The following AKAP6 variants were observed in gnomAD, a reference collection of about 807,000 sequenced individuals.
The protein encoded by AKAP6 is A-kinase anchor protein 6.
A neutral mutation model predicts 188.5 loss-of-function variants in AKAP6; 58 were observed. The observed-to-expected ratio is 0.31, with a 90% CI of 0.25 to 0.38. The LOEUF (loss-of-function observed/expected upper bound fraction) is 0.38, where lower values mean the gene tolerates loss of function less well. AKAP6 is among the 10% of genes least tolerant of loss of function. The probability of loss-of-function intolerance (pLI) is 1.00; values close to 1 mark genes in which losing one functional copy is unlikely to be tolerated. For synonymous variants in AKAP6, 989 were observed against 998.6 expected, an observed-to-expected ratio of 0.99 and a Z score of 0.18; for missense variants, 2,710 against 2,740.0, an observed-to-expected ratio of 0.99 and a Z score of 0.24.
intron 7 of AKAP6, among the ~76,000 whole-genome samples, chr14:32,610,546 T>C (rs1886310155): frequency 6.6e-6 from 1 of 150,840 alleles, no homozygotes; most frequent in Non-Finnish European, 1.5e-5. Context: ...CAAATGTAGT[T>C]CTAAATTAAG....
intron 11 of AKAP6, among the ~76,000 whole-genome samples, chr14:32,764,933 CTTTT>C (rs571680392): frequency 4.0e-5 from 5 of 124,670 alleles, no homozygotes; most frequent in Admixed American, 8.1e-5. Flanking sequence ...TCAAGTGAAT[CTTTT>C]TTTTTTTTTT....
chr14:32,540,339 C>T (rs1427094461), intron 3 of AKAP6, among the ~76,000 whole-genome samples: 2 of 151,584 alleles, frequency 1.3e-5, no homozygotes, highest in Non-Finnish European at 2.9e-5. Context: ...GCTGGGATTA[C>T]AGGCACATGC....
At chr14:32,688,791 T>C (rs1254459444) in intron 8 of AKAP6, among the ~76,000 whole-genome samples, 2 of 147,890 alleles carry the variant, frequency 1.4e-5, no homozygotes, top group Non-Finnish European at 2.9e-5. Context: ...AACTAAAATC[T>C]TGTAGTCCAA....
At chr14:32,492,383 G>GAGAGAGAGAGAGAGAGAGAGAGA (rs1566537012) in intron 2 of AKAP6, among the ~76,000 whole-genome samples, 6 of 141,466 alleles carry the variant, frequency 4.2e-5, no homozygotes, top group African/African-American at 1.3e-4. Context: ...GAGAGAGAGA[G>GAGAGAGAGAGAGAGAGAGAGAGA]GCATTTGGAT....
chr14:32,666,999 T>C (rs953416919), intron 7 of AKAP6, among the ~76,000 whole-genome samples: 2 of 152,126 alleles, frequency 1.3e-5, no homozygotes, highest in South Asian at 2.1e-4. Flanking sequence ...AGTCTTTTTA[T>C]TGTGATGTCT....
chr14:32,661,252 TA>T (rs1888687631), intron 7 of AKAP6, among the ~76,000 whole-genome samples: 1 of 152,000 alleles, frequency 6.6e-6, no homozygotes, highest in Non-Finnish European at 1.5e-5. Flanking sequence ...TACATATCAG[TA>T]AATCGTGATA....
At chr14:32,431,523 T>G (rs116448860) in intron 1 of AKAP6, among the ~76,000 whole-genome samples, 2,114 of 152,332 alleles carry the variant, frequency 0.014, 43 homozygotes, top group African/African-American at 0.048. Context: ...TTTTTATTTT[T>G]TGAGACGTAG....
intron 2 of AKAP6, among the ~76,000 whole-genome samples, chr14:32,441,783 T>C (rs1890584944): frequency 6.6e-6 from 1 of 152,216 alleles, no homozygotes; most frequent in African/African-American, 2.4e-5. Context: ...TAATTTTTCA[T>C]TAGCAAAAGT....
Position 32,600,620 on chromosome 14 carries a change from T to C in AKAP6, c.2567-9T>C, listed in dbSNP as rs1349877571. ...CCACAACTTCTGCTTTCCCCTCCTT[T>C]TGGAGAAGGACTGAAGGACATGCTG... On this transcript the variant is annotated splice_polypyrimidine_tract_variant and intron_variant, in intron 6 of 13. Coordinates refer to ENST00000280979, the MANE Select transcript of AKAP6 (RefSeq NM_004274.5). The C allele has an allele frequency of 6.3e-7, 1 of 1,596,954 alleles. No individual in the cohort carries two copies. The highest frequency in any genetic ancestry group is 8.5e-7 in the Non-Finnish European group (1 of 1,170,614).
rs2034575774 is a variant in AKAP6, at chr14:32,823,074, A to C, written c.5261A>C (p.Asp1754Ala). 2 of 1,613,764 alleles carry C rather than the reference A, an allele frequency of 1.2e-6. No individual in the cohort carries two copies. Among genetic ancestry groups the C allele is most frequent in the Non-Finnish European group, 1.7e-6 (2 of 1,179,874 alleles). The change falls in exon 13 of 14, where the codon GAC becomes GCC. Residue 1754 changes from aspartate (D) to alanine (A), a missense_variant. Transcript: ENST00000280979. ...TGCACTGATGATGAAGATGACAGCG[A>C]CCTGCTCTCCAGCTCTACCCTTACC... ...SACTDDEDDS[D>A]LLSSSTLTLT...
chr14:32,339,714 T>C (rs536013838), intron 1 of AKAP6, among the ~76,000 whole-genome samples: 1 of 152,246 alleles, frequency 6.6e-6, no homozygotes, highest in South Asian at 2.1e-4. Context: ...GCCATGACAG[T>C]CAGCCCTTCT....
In AKAP6 at chr14:32,534,990, A is replaced by C. The variant is rs1319841383; in HGVS notation, c.325-564A>C. 2.7e-3 allele frequency among the ~76,000 whole-genome samples: 235 copies of C among 85,986 alleles called. 1 individual carries two copies. Among genetic ancestry groups the C allele is most frequent in the African/African-American group, 0.023 (219 of 9,608 alleles). The allele number at this position is 85,986 out of a possible 152,430, so 56.4% of individuals were successfully genotyped here. A position where few individuals can be genotyped will look rare whatever the true frequency, so the allele number is the denominator to read the frequency against. On this transcript the variant is annotated intron_variant, in intron 2 of 13. Transcript: ENST00000280979. ...AAAAAAAAAAAAACAAAAACAAACC[A>C]AAAAAAAAAAAAAAACACTGAATTT...
chr14:32,413,315 T>C (rs1889553882), intron 1 of AKAP6, among the ~76,000 whole-genome samples: 1 of 151,684 alleles, frequency 6.6e-6, no homozygotes, highest in Admixed American at 6.6e-5. Context: ...CCTGAGTAGC[T>C]GGGACCACAA....
At chr14:32,435,575 C>A (rs1890352429) in intron 2 of AKAP6, among the ~76,000 whole-genome samples, 1 of 152,214 alleles carries the variant, frequency 6.6e-6, no homozygotes, top group Non-Finnish European at 1.5e-5. Flanking sequence ...CACCCACCTC[C>A]ATCAGCTCCA....
chr14:32,480,319 G>A (rs142296289), intron 2 of AKAP6, among the ~76,000 whole-genome samples: 9 of 152,264 alleles, frequency 5.9e-5, no homozygotes, highest in African/African-American at 2.2e-4. Context: ...ATTCACAATT[G>A]ACCTGAATAG....
rs149536531 is a variant in AKAP6, at chr14:32,355,747, A to G, written c.-35+26339A>G. Among the ~76,000 whole-genome samples, 514 of 152,020 alleles carry G rather than the reference A, an allele frequency of 3.4e-3. 1 individual carries two copies. Among genetic ancestry groups the G allele is most frequent in the African/African-American group, 0.012 (489 of 41,448 alleles). ...AAAATATCTGAGATTTCTGTTGGTGATCACAGGTATTGTGATTTCTTTTCT... is the reference window on the plus strand; with the variant it reads ...AAAATATCTGAGATTTCTGTTGGTGGTCACAGGTATTGTGATTTCTTTTCT... On this transcript the variant is annotated intron_variant, in intron 1 of 13. Transcript: ENST00000280979.
At chr14:32,737,707 A>G (rs2031492861) in intron 11 of AKAP6, among the ~76,000 whole-genome samples, 1 of 152,140 alleles carries the variant, frequency 6.6e-6, no homozygotes. Flanking sequence ...ATGATTCTTT[A>G]TCCTATAAAT....
intron 1 of AKAP6, among the ~76,000 whole-genome samples, chr14:32,349,993 T>C (rs1887207970): frequency 6.6e-6 from 1 of 152,152 alleles, no homozygotes; most frequent in South Asian, 2.1e-4. Context: ...TAAATATACA[T>C]GAGTGTATAC....
chr14:32,723,257 A>G (rs1479977159), intron 9 of AKAP6, among the ~76,000 whole-genome samples: 4 of 152,134 alleles, frequency 2.6e-5, no homozygotes, highest in Non-Finnish European at 5.9e-5. Context: ...TGTTACCTCC[A>G]TTCTTTATGC....
Sources: allele counts gnomAD v4.1 joint callset (sites outside exome capture counted in the v4.1 genomes callset), GRCh38; gene constraint gnomAD v4.1.1; transcripts MANE v1.5; gene names NCBI Gene and HGNC (gene_info 2026-07-23, HGNC 2026-07-21).